ARHGAP19: variants seen among roughly 807,000 people sequenced by gnomAD.
ARHGAP19 encodes the protein rho GTPase-activating protein 19.
In ARHGAP19, 48 loss-of-function variants were observed where a neutral mutation model predicts 60.9. That is an observed-to-expected ratio of 0.79 (90% CI 0.62 to 1.00). The LOEUF (loss-of-function observed/expected upper bound fraction) is 1.00, where lower values mean the gene tolerates loss of function less well. Ranked by LOEUF, ARHGAP19 falls within the 50% of genes least tolerant of loss-of-function variation. The pLI is 0.00. For synonymous variants in ARHGAP19, 209 were observed against 215.5 expected, an observed-to-expected ratio of 0.97 and a Z score of 0.27; for missense variants, 562 against 597.2, an observed-to-expected ratio of 0.94 and a Z score of 0.61.
chr10:97,262,535 C>T (rs1262683921), intron 4 of ARHGAP19, among the ~76,000 whole-genome samples: 4 of 151,926 alleles, frequency 2.6e-5, no homozygotes, highest in African/African-American at 9.7e-5. Flanking sequence ...CGTGGTAGCG[C>T]GTGCCTGTAG....
At chr10:97,231,756 T>G (rs1396987361) in intron 9 of ARHGAP19, among the ~76,000 whole-genome samples, 1 of 152,220 alleles carries the variant, frequency 6.6e-6, no homozygotes, top group African/African-American at 2.4e-5. Context: ...TGAATAATGC[T>G]GCTATGAATA....
At chr10:97,231,233 G>T (rs1016887376) in intron 9 of ARHGAP19, among the ~76,000 whole-genome samples, 1 of 152,052 alleles carries the variant, frequency 6.6e-6, no homozygotes, top group Non-Finnish European at 1.5e-5. Context: ...CGTTTTACTA[G>T]CCCTGTCTAA....
chr10:97,258,957 C>T (rs1842791638), intron 5 of ARHGAP19, among the ~76,000 whole-genome samples: 1 of 152,138 alleles, frequency 6.6e-6, no homozygotes, highest in African/African-American at 2.4e-5. Flanking sequence ...CAGGACAAGG[C>T]AGGATTGCTC....
chr10:97,234,255 G>A (rs985448561), intron 9 of ARHGAP19, among the ~76,000 whole-genome samples: 5 of 151,666 alleles, frequency 3.3e-5, no homozygotes, highest in Non-Finnish European at 7.4e-5. Flanking sequence ...CGACAACAGC[G>A]AGACTCTGTC....
At chr10:97,274,918 T>C (rs1843004710) in intron 1 of ARHGAP19, 1 of 152,130 alleles carries the variant, frequency 6.6e-6, no homozygotes, top group Non-Finnish European at 1.5e-5. Context: ...GACAGAGGGA[T>C]TGACAGGATG....
At chr10:97,250,541 G>A (rs1367513327) in intron 6 of ARHGAP19, among the ~76,000 whole-genome samples, 5 of 151,528 alleles carry the variant, frequency 3.3e-5, no homozygotes, top group Admixed American at 6.6e-5. Flanking sequence ...CCACCACCAC[G>A]CCCGGCTAAT....
chr10:97,256,337 T>G lies in ARHGAP19; in HGVS notation c.908A>C (p.His303Pro). The G allele has an allele frequency of 1.2e-6, 2 of 1,613,928 alleles. No homozygotes were observed. Among genetic ancestry groups the G allele is most frequent in the Non-Finnish European group, 1.7e-6 (2 of 1,179,864 alleles). The change falls in exon 6 of 12, where the codon CAC becomes CCC. Residue 303 changes from histidine to proline, a missense_variant. Coordinates refer to ENST00000358531, the MANE Select transcript of ARHGAP19 (RefSeq NM_032900.6). ...LNSGMAFMIKHSQKLFKAPAY... is the reference protein window; with the variant it reads ...LNSGMAFMIKPSQKLFKAPAY... Reference sequence around the variant, plus strand: ...ACCTACCTTAAAAAGTTTCTGGGAGTGTTTAATCATAAAAGCCATCCCACT... The same window carrying G: ...ACCTACCTTAAAAAGTTTCTGGGAGGGTTTAATCATAAAAGCCATCCCACT...
chr10:97,280,941 G>T (rs993961457), intron 1 of ARHGAP19, among the ~76,000 whole-genome samples: 1 of 152,132 alleles, frequency 6.6e-6, no homozygotes, highest in African/African-American at 2.4e-5. Flanking sequence ...GTACTTCTAC[G>T]TATGATCTGA....
rs539208832 is a variant in ARHGAP19 at position 97,265,347 on chromosome 10, G to GACAAAAACATCTACCCATCTCTACAA, written c.323-442_323-441insTTGTAGAGATGGGTAGATGTTTTTGT. 23 of 173,584 alleles carry GACAAAAACATCTACCCATCTCTACAA rather than the reference G, an allele frequency of 1.3e-4. 1 individual carries two copies. In the East Asian group the frequency reaches 3.6e-3, roughly 27 times the overall value. The allele number at this position is 173,584 out of a possible 1,614,324, so 10.8% of individuals were successfully genotyped here. A position where few individuals can be genotyped will look rare whatever the true frequency, so the allele number is the denominator to read the frequency against. On this transcript the variant is annotated intron_variant, in intron 2 of 11. Coordinates refer to ENST00000358531, the MANE Select transcript of ARHGAP19 (RefSeq NM_032900.6). ...TGAGACCCCATCTCTACAAAAAATA[G>GACAAAAACATCTACCCATCTCTACAA]AGAACAGTCAGGCATGGTGTCATGC...
intron 8 of ARHGAP19, among the ~76,000 whole-genome samples, chr10:97,240,968 T>G (rs913621363): frequency 6.6e-6 from 1 of 152,216 alleles, no homozygotes; most frequent in Non-Finnish European, 1.5e-5. Flanking sequence ...AGTGAGCATG[T>G]ATAATTTTTA....
In ARHGAP19 at chr10:97,292,586, G is replaced by C. The variant is rs780312341; in HGVS notation, c.42C>G (p.Arg14=). Residue 14 remains arginine (R), a synonymous_variant, in exon 1 of 12, where the codon CGC becomes CGG. Coordinates refer to ENST00000358531, the MANE Select transcript of ARHGAP19 (RefSeq NM_032900.6). ...ACTCAGCTCACCTCCGGCCGGATTC[G>C]CGGGCTGGCACCTCCCCTTCACTCT... is the stretch of plus-strand genomic sequence containing the variant. ...EAQSEGEVPA[R]ESGRSDAICS... is the part of the protein sequence containing the mutation. The C allele has an allele frequency of 6.2e-6, 10 of 1,614,046 alleles. No homozygotes were observed. The Admixed American group carries it at 8.3e-5, about 13-fold the overall frequency.
chr10:97,237,861 ACT>A (rs1842406880), intron 8 of ARHGAP19, among the ~76,000 whole-genome samples: 1 of 151,878 alleles, frequency 6.6e-6, no homozygotes, highest in African/African-American at 2.4e-5. Context: ...AAAGAGCGAG[ACT>A]CTATCTCCAA....
chr10:97,243,649 T>G (rs187555771), intron 8 of ARHGAP19, among the ~76,000 whole-genome samples: 28 of 152,352 alleles, frequency 1.8e-4, no homozygotes, highest in Admixed American at 3.3e-4. Context: ...AAAAGTTATT[T>G]GCTAAGAAAA....
chr10:97,260,099 T>C (rs1180184017), intron 4 of ARHGAP19, among the ~76,000 whole-genome samples: 1 of 150,328 alleles, frequency 6.7e-6, no homozygotes, highest in African/African-American at 2.4e-5. Flanking sequence ...CCTCCCAAAG[T>C]GCTGGGATTA....
chr10:97,266,764 G>A (rs1842903730), intron 1 of ARHGAP19, among the ~76,000 whole-genome samples: 1 of 152,090 alleles, frequency 6.6e-6, no homozygotes, highest in African/African-American at 2.4e-5. Context: ...GTGTGTGAAG[G>A]GTAACTGCCC....
At chr10:97,287,934 T>C (rs1408824213) in intron 1 of ARHGAP19, among the ~76,000 whole-genome samples, 3 of 152,054 alleles carry the variant, frequency 2.0e-5, no homozygotes, top group Non-Finnish European at 4.4e-5. Context: ...TGGTGGCACA[T>C]GCCTGTAATC....
intron 3 of ARHGAP19, 76 bp from the exon 4 acceptor site, chr10:97,263,705 GAC>G: frequency 6.9e-7 from 1 of 1,444,442 alleles, no homozygotes; most frequent in Non-Finnish European, 9.7e-7. Flanking sequence ...ATGGTCTAAA[GAC>G]TACTTTACAC....
intron 8 of ARHGAP19, among the ~76,000 whole-genome samples, chr10:97,240,604 T>C (rs2134831167): frequency 6.6e-6 from 1 of 152,290 alleles, no homozygotes; most frequent in African/African-American, 2.4e-5. Flanking sequence ...TCAGGCGAGA[T>C]CACGCCACTG....
intron 8 of ARHGAP19, among the ~76,000 whole-genome samples, chr10:97,238,004 A>C (rs1842409552): frequency 6.6e-6 from 1 of 151,744 alleles, no homozygotes; most frequent in African/African-American, 2.4e-5. Context: ...TTTTTTTTTA[A>C]AGTTAACTAT....
Sources: allele counts gnomAD v4.1 joint callset (sites outside exome capture counted in the v4.1 genomes callset), GRCh38; gene constraint gnomAD v4.1.1; transcripts MANE v1.5; gene names NCBI Gene and HGNC (gene_info 2026-07-23, HGNC 2026-07-21).